Variants in WIPF3 observed in about 807,000 individuals in gnomAD.
The protein encoded by WIPF3 is WAS/WASL interacting protein family member 3.
In WIPF3, 33 loss-of-function variants were observed where a neutral mutation model predicts 38.9. The ratio of observed to expected loss-of-function variants is 0.85; its 90% CI spans 0.64 to 1.14. WIPF3 has a LOEUF of 1.14. Among genes scored for constraint, WIPF3 ranks in the 50% most tolerant of loss-of-function variants. WIPF3 has a pLI of 0.00. For synonymous variants in WIPF3, 324 were observed against 269.3 expected (o/e 1.20, Z -1.99); for missense variants, 711 against 652.5 (o/e 1.09, Z -0.98).
chr7:29,850,551 C>T (rs905020242), intron 2 of WIPF3, among the ~76,000 whole-genome samples: 2 of 152,222 alleles, frequency 1.3e-5, no homozygotes, highest in Non-Finnish European at 1.5e-5. Context: ...GGCAGGGCAG[C>T]GCCCCTTCAG....
At chr7:29,841,961 C>A (rs1319815599) in intron 2 of WIPF3, among the ~76,000 whole-genome samples, 1 of 152,192 alleles carries the variant, frequency 6.6e-6, no homozygotes, top group Non-Finnish European at 1.5e-5. Context: ...TGAAATGCAT[C>A]AGAATTTTAC....
intron 1 of WIPF3, among the ~76,000 whole-genome samples, chr7:29,827,135 T>G (rs1784628705): frequency 6.6e-6 from 1 of 152,194 alleles, no homozygotes; most frequent in Non-Finnish European, 1.5e-5. Context: ...CAGTGATTTT[T>G]TCATCAGATT....
chr7:29,866,567 C>A (rs886855337), intron 2 of WIPF3, among the ~76,000 whole-genome samples: 1 of 152,200 alleles, frequency 6.6e-6, no homozygotes, highest in Non-Finnish European at 1.5e-5. Flanking sequence ...TGCTTTCAGT[C>A]CCCCTGCCAA....
chr7:29,877,167 A>G (rs1785616636), intron 3 of WIPF3, among the ~76,000 whole-genome samples: 1 of 152,252 alleles, frequency 6.6e-6, no homozygotes, highest in Non-Finnish European at 1.5e-5. Context: ...GCATACATTC[A>G]TAACAGAACA....
Position 29,838,075 on chromosome 7 carries a change from C to T in WIPF3, c.90+3261C>T, listed in dbSNP as rs533416702. Among the ~76,000 whole-genome samples the T allele has an allele frequency of 4.5e-3, 679 of 152,298 alleles. 4 individuals carry two copies. Among genetic ancestry groups the T allele is most frequent in the African/African-American group, 0.015 (622 of 41,568 alleles). On this transcript the variant is annotated intron_variant, in intron 2 of 8. Coordinates refer to ENST00000242140, the MANE Select transcript of WIPF3 (RefSeq NM_001080529.3). ...CTGGAACTACAGGTGCCCGCCACCA[C>T]GCCCGGCTAATTTTCTCTATTTTTA...
intron 1 of WIPF3, among the ~76,000 whole-genome samples, chr7:29,821,762 C>T (rs985410622): frequency 6.6e-6 from 1 of 152,158 alleles, no homozygotes; most frequent in Non-Finnish European, 1.5e-5. Flanking sequence ...CTCTCTAATC[C>T]TTTCAAATTC....
At chr7:29,818,208 T>C (rs1562769531) in intron 1 of WIPF3, among the ~76,000 whole-genome samples, 2 of 152,048 alleles carry the variant, frequency 1.3e-5, no homozygotes, top group Non-Finnish European at 2.9e-5. Flanking sequence ...TCCCAGCACT[T>C]TGGGAGGCCG....
chr7:29,811,196 A>G lies in WIPF3; in HGVS notation c.-58+4518A>G, dbSNP rs573298240. On this transcript the variant is annotated intron_variant, in intron 1 of 8. Coordinates refer to ENST00000242140, the MANE Select transcript of WIPF3 (RefSeq NM_001080529.3). ...ATGATCTGCCTTGCCCAGCCATAAG[A>G]TAGATTTGGTACTTAGGACAGTGCC... Among the ~76,000 whole-genome samples the G allele has an allele frequency of 5.7e-4, 87 of 152,092 alleles. 1 individual carries two copies. Among genetic ancestry groups the G allele is most frequent in the African/African-American group, 2.0e-3 (81 of 41,482 alleles).
chr7:29,842,952 G>A (rs978021187), intron 2 of WIPF3, among the ~76,000 whole-genome samples: 20 of 152,166 alleles, frequency 1.3e-4, no homozygotes, highest in African/African-American at 4.8e-4. Flanking sequence ...CACTAATGAG[G>A]GACTGGGGAC....
chr7:29,899,807 A>G (rs769960639), intron 7 of WIPF3, among the ~76,000 whole-genome samples: 9 of 152,262 alleles, frequency 5.9e-5, no homozygotes, highest in Non-Finnish European at 1.2e-4. Flanking sequence ...AGTATATAAA[A>G]TAAAATCTAC....
At chr7:29,837,202 A>G (rs1784818624) in intron 2 of WIPF3, among the ~76,000 whole-genome samples, 1 of 151,690 alleles carries the variant, frequency 6.6e-6, no homozygotes, top group Non-Finnish European at 1.5e-5. Flanking sequence ...AAAAATACAA[A>G]AAAATTAGCT....
chr7:29,872,798 CAAAAAAAA>C (rs61693654), intron 2 of WIPF3, among the ~76,000 whole-genome samples: 10 of 31,034 alleles, frequency 3.2e-4, no homozygotes, highest in African/African-American at 4.1e-4. Flanking sequence ...GACTCCATCT[CAAAAAAAA>C]AAAAAAAAAA....
At chr7:29,890,324 C>CAGG (rs1277214720) in intron 7 of WIPF3, among the ~76,000 whole-genome samples, 4 of 143,894 alleles carry the variant, frequency 2.8e-5, no homozygotes, top group African/African-American at 1.1e-4. Context: ...TTCACTCCAG[C>CAGG]ATTGATGACA....
At chr7:29,829,408 G>A (rs949452022) in intron 1 of WIPF3, among the ~76,000 whole-genome samples, 32 of 151,804 alleles carry the variant, frequency 2.1e-4, no homozygotes, top group Non-Finnish European at 5.9e-5. Context: ...TAGTAGAGAC[G>A]GGGTTTCACC....
At chr7:29,894,488 C>T (rs544455642) in intron 7 of WIPF3, among the ~76,000 whole-genome samples, 56 of 152,274 alleles carry the variant, frequency 3.7e-4, no homozygotes, top group Non-Finnish European at 7.2e-4. Context: ...CCACTAGCCT[C>T]CCAGCAAAAT....
chr7:29,854,392 G>C (rs759395983), intron 2 of WIPF3, among the ~76,000 whole-genome samples: 6 of 152,158 alleles, frequency 3.9e-5, no homozygotes, highest in Non-Finnish European at 8.8e-5. Flanking sequence ...ATGGAGTGTG[G>C]CATTTTAATA....
chr7:29,811,228 A>G (rs1429960756), intron 1 of WIPF3, among the ~76,000 whole-genome samples: 1 of 150,454 alleles, frequency 6.6e-6, no homozygotes, highest in African/African-American at 2.5e-5. Context: ...TGCCTCATTC[A>G]TAGCAATGTT....
intron 2 of WIPF3, among the ~76,000 whole-genome samples, chr7:29,848,152 G>A (rs1293552372): frequency 6.6e-6 from 1 of 152,138 alleles, no homozygotes; most frequent in Non-Finnish European, 1.5e-5. Context: ...GTAGCAGGAG[G>A]TACCTGGAAC....
In WIPF3 at chr7:29,914,511, C is replaced by A. The variant is rs79136170; in HGVS notation, c.1447C>A (p.Arg483=). 33 of 1,519,650 alleles carry A rather than the reference C, an allele frequency of 2.2e-5. No individual in the cohort carries two copies. The highest frequency in any genetic ancestry group is 2.8e-5 in the Non-Finnish European group (32 of 1,131,726). 94.1% of individuals were successfully genotyped at this position (1,519,650 alleles called of 1,614,324 possible). The change falls in exon 9 of 9, where the codon CGG becomes AGG. Residue 483 remains arginine, a synonymous_variant. Coordinates refer to ENST00000242140, the MANE Select transcript of WIPF3 (RefSeq NM_001080529.3). ...RNSQLSLKTL[R] The stretch of plus-strand genomic sequence containing the variant: ...TCCACAGTTATCTCTAAAGACTCTT[C>A]GGTGAGAAGACAGATGAAGCGAAGG...
Sources: gnomAD v4.1 joint callset for allele counts (sites outside exome capture counted in the v4.1 genomes callset) on GRCh38, gnomAD v4.1.1 for gene constraint, MANE v1.5 for transcripts, NCBI Gene and HGNC (gene_info 2026-07-23, HGNC 2026-07-21) for gene names.